Variants in CTNNA3 observed in about 807,000 individuals in gnomAD.
CTNNA3 encodes catenin alpha-3.
CTNNA3 carries 76 observed loss-of-function variants against 95.7 expected under a neutral mutation model. The observed-to-expected ratio is 0.79, with a 90% confidence interval of 0.66 to 0.96. The LOEUF is 0.96. Among genes scored for constraint, CTNNA3 ranks in the 40% least tolerant of loss-of-function variants. The pLI, the probability that CTNNA3 is intolerant of heterozygous loss-of-function variation, is 0.00. For synonymous variants in CTNNA3, 431 were observed against 374.4 expected (o/e 1.15, Z -1.74); for missense variants, 1,191 against 1,089.8 (o/e 1.09, Z -1.31).
chr10:66,345,655 G>T lies in CTNNA3; in HGVS notation c.1732+33497C>A, dbSNP rs183676844. ...AGAATAAAGGTGTTATTTCACTTGG[G>T]TAAGTATTATTTGGTTGAATTCTTC... On this transcript the variant is annotated intron_variant, in intron 12 of 17. Transcript: ENST00000433211. Among the ~76,000 whole-genome samples the T allele has an allele frequency of 2.2e-4, 34 of 152,180 alleles. 1 individual carries two copies. Among genetic ancestry groups the T allele is most frequent in the Admixed American group, 2.0e-3 (31 of 15,284 alleles).
chr10:67,169,958 A>G (rs1273408174), intron 7 of CTNNA3, among the ~76,000 whole-genome samples: 1 of 152,220 alleles, frequency 6.6e-6, no homozygotes, highest in African/African-American at 2.4e-5. Flanking sequence ...AAAAGCAGGT[A>G]AAGGATATGA....
At chr10:67,367,619 T>C (rs1843264590) in intron 5 of CTNNA3, among the ~76,000 whole-genome samples, 1 of 152,160 alleles carries the variant, frequency 6.6e-6, no homozygotes, top group African/African-American at 2.4e-5. Context: ...CACACCCAGA[T>C]CTTCATCACA....
chr10:66,826,031 G>C (rs1339519146), intron 7 of CTNNA3, among the ~76,000 whole-genome samples: 1 of 152,162 alleles, frequency 6.6e-6, no homozygotes, highest in East Asian at 1.9e-4. Flanking sequence ...CATTTAGAAT[G>C]GATTTTTAGG....
chr10:67,558,533 C>T (rs906946676), intron 3 of CTNNA3, among the ~76,000 whole-genome samples: 1 of 152,194 alleles, frequency 6.6e-6, no homozygotes, highest in South Asian at 2.1e-4. Flanking sequence ...AGGAACAGCG[C>T]CGGTCTACAG....
intron 10 of CTNNA3, among the ~76,000 whole-genome samples, chr10:66,577,681 C>T (rs1843050346): frequency 6.6e-6 from 1 of 151,844 alleles, no homozygotes. Context: ...TTCTATCAGT[C>T]TGCCTGTTTT....
At chr10:67,529,005 G>C (rs1840234313) in intron 4 of CTNNA3, among the ~76,000 whole-genome samples, 1 of 152,140 alleles carries the variant, frequency 6.6e-6, no homozygotes, top group African/African-American at 2.4e-5. Flanking sequence ...AAAATTGCTA[G>C]AGTAAATTTT....
At chr10:66,014,972 G>A (rs567331403) in intron 15 of CTNNA3, among the ~76,000 whole-genome samples, 100 of 151,950 alleles carry the variant, frequency 6.6e-4, no homozygotes, top group Non-Finnish European at 1.2e-3. Flanking sequence ...GCATGGTGGC[G>A]CACGCCTGTA....
At chr10:67,723,329 T>C (rs1374317315) in intron 1 of CTNNA3, among the ~76,000 whole-genome samples, 1 of 151,674 alleles carries the variant, frequency 6.6e-6, no homozygotes, top group Non-Finnish European at 1.5e-5. Flanking sequence ...TCTCATTCTG[T>C]TGCTGAGGCT....
intron 1 of CTNNA3, among the ~76,000 whole-genome samples, chr10:67,756,120 T>A (rs989106652): frequency 2.0e-5 from 3 of 151,774 alleles, no homozygotes; most frequent in African/African-American, 7.3e-5. Context: ...GTGGATCTTA[T>A]GAAGATAGAG....
chr10:67,404,637 G>T (rs1845063870), intron 5 of CTNNA3, among the ~76,000 whole-genome samples: 1 of 152,010 alleles, frequency 6.6e-6, no homozygotes, highest in Non-Finnish European at 1.5e-5. Flanking sequence ...ACATAATTCA[G>T]GATATCATCC....
rs111367016 is a variant in CTNNA3 at position 66,569,168 on chromosome 10, C to T, written c.1375-48395G>A. On this transcript the variant is annotated intron_variant, in intron 10 of 17. Coordinates refer to ENST00000433211, the MANE Select transcript of CTNNA3 (RefSeq NM_013266.4). ...AGCCAGAGAACAAAGGAGGCTGCCCCATCGATGTTCTCCTAGGACCATAGG... is the reference window on the plus strand; with the variant it reads ...AGCCAGAGAACAAAGGAGGCTGCCCTATCGATGTTCTCCTAGGACCATAGG... Among the ~76,000 whole-genome samples, 406 of 152,170 alleles carry T rather than the reference C, an allele frequency of 2.7e-3. 5 individuals are homozygous for T. Among genetic ancestry groups the T allele is most frequent in the African/African-American group, 8.6e-3 (357 of 41,528 alleles).
At chr10:67,545,672 G>A (rs1334760425) in intron 3 of CTNNA3, among the ~76,000 whole-genome samples, 2 of 152,108 alleles carry the variant, frequency 1.3e-5, no homozygotes, top group Non-Finnish European at 2.9e-5. Context: ...AGCTTCGCAA[G>A]TGTCATTAAG....
At chr10:67,343,373 T>C (rs981339108) in intron 5 of CTNNA3, among the ~76,000 whole-genome samples, 1 of 152,218 alleles carries the variant, frequency 6.6e-6, no homozygotes, top group Non-Finnish European at 1.5e-5. Context: ...ATATTGACTT[T>C]TTCCAATCCA....
At chr10:66,012,346 CA>C (rs1254453164) in intron 15 of CTNNA3, among the ~76,000 whole-genome samples, 1 of 151,974 alleles carries the variant, frequency 6.6e-6, no homozygotes, top group Non-Finnish European at 1.5e-5. Flanking sequence ...ATGTCTGAAT[CA>C]AGCTTGGAAT....
chr10:66,637,810 T>G (rs1845386921), intron 9 of CTNNA3, among the ~76,000 whole-genome samples: 1 of 152,166 alleles, frequency 6.6e-6, no homozygotes, highest in Admixed American at 6.5e-5. Flanking sequence ...TCACAGAAGT[T>G]AGAGTCCTAC....
chr10:66,008,610 GT>G (rs1283998143), intron 15 of CTNNA3, among the ~76,000 whole-genome samples: 1 of 152,060 alleles, frequency 6.6e-6, no homozygotes, highest in Admixed American at 6.6e-5. Flanking sequence ...ATACGTCTAT[GT>G]TTCTTTATGT....
chr10:66,630,450 C>A (rs1360746495), intron 9 of CTNNA3, among the ~76,000 whole-genome samples: 3 of 152,066 alleles, frequency 2.0e-5, no homozygotes, highest in Non-Finnish European at 4.4e-5. Flanking sequence ...CTTAAGATAT[C>A]AAATATGGAA....
chr10:67,116,437 G>A (rs1859192949), intron 7 of CTNNA3, among the ~76,000 whole-genome samples: 2 of 151,862 alleles, frequency 1.3e-5, no homozygotes, highest in African/African-American at 4.8e-5. Flanking sequence ...GCCTCCCTTG[G>A]GAGGTAGGGA....
intron 1 of CTNNA3, among the ~76,000 whole-genome samples, chr10:67,715,462 G>C (rs1368813802): frequency 1.3e-5 from 2 of 152,014 alleles, no homozygotes; most frequent in Non-Finnish European, 2.9e-5. Context: ...CTTGAGAGCA[G>C]CTAATCAAAA....
Sources: gnomAD v4.1 joint callset for allele counts (sites outside exome capture counted in the v4.1 genomes callset) on GRCh38, gnomAD v4.1.1 for gene constraint, MANE v1.5 for transcripts, NCBI Gene and HGNC (gene_info 2026-07-23, HGNC 2026-07-21) for gene names.